CLOCK: variants seen among roughly 807,000 people sequenced by gnomAD.
CLOCK encodes the protein circadian locomoter output cycles protein kaput.
A neutral mutation model predicts 118.4 loss-of-function variants in CLOCK; 43 were observed. The observed-to-expected ratio is 0.36, with a 90% CI of 0.28 to 0.47. The LOEUF (loss-of-function observed/expected upper bound fraction) is 0.47. Ranked by LOEUF, CLOCK falls within the 20% of genes least tolerant of loss-of-function variation. The pLI is 1.00. For synonymous variants in CLOCK, 326 were observed against 339.2 expected (o/e 0.96, Z 0.43); for missense variants, 846 against 999.9 (o/e 0.85, Z 2.08).
rs77108271 is a variant in CLOCK at position 55,532,285 on chromosome 4, T to C, written c.-290+14497A>G. On this transcript the variant is annotated intron_variant, in intron 1 of 22. Transcript: ENST00000513440. The stretch of plus-strand genomic sequence containing the variant: ...AGTCGAGGATGCCCACTCTCATCAC[T>C]TCTATTCAACACAGTACCAGAAGTC... 2.6e-3 allele frequency among the ~76,000 whole-genome samples: 394 copies of C among 152,284 alleles called. 2 individuals carry two copies. The highest frequency in any genetic ancestry group is 9.4e-3 in the African/African-American group (389 of 41,578).
chr4:55,507,825 C>G (rs190195452), intron 2 of CLOCK, among the ~76,000 whole-genome samples: 2 of 152,186 alleles, frequency 1.3e-5, no homozygotes, highest in Admixed American at 1.3e-4. Flanking sequence ...CAAATATGTG[C>G]CAGGCCTATG....
At chr4:55,506,653 C>T (rs927045490) in intron 2 of CLOCK, among the ~76,000 whole-genome samples, 6 of 151,754 alleles carry the variant, frequency 4.0e-5, no homozygotes, top group African/African-American at 1.5e-4. Flanking sequence ...CTCTGCCTTC[C>T]GGGTTCCAGC....
chr4:55,443,513 G>C (rs972891294), intron 20 of CLOCK, among the ~76,000 whole-genome samples, 174 bp downstream of exon 20: 1 of 150,024 alleles, frequency 6.7e-6, no homozygotes, highest in Non-Finnish European at 1.5e-5. Flanking sequence ...GAAAATATTT[G>C]ATACTAACAT....
chr4:55,447,959 G>C (rs953200335), intron 18 of CLOCK, among the ~76,000 whole-genome samples: 2 of 152,114 alleles, frequency 1.3e-5, no homozygotes, highest in Admixed American at 1.3e-4. Flanking sequence ...GGGAAGTTAG[G>C]CTCTAAAGTA....
At chr4:55,539,963 G>T (rs1035222731) in intron 1 of CLOCK, among the ~76,000 whole-genome samples, 5 of 150,606 alleles carry the variant, frequency 3.3e-5, no homozygotes, top group African/African-American at 7.3e-5. Flanking sequence ...TAATCAAGAA[G>T]ATTAACAACA....
At chr4:55,541,083 T>G (rs537731670) in intron 1 of CLOCK, among the ~76,000 whole-genome samples, 3 of 152,322 alleles carry the variant, frequency 2.0e-5, no homozygotes, top group African/African-American at 7.2e-5. Context: ...CTGTGAAATA[T>G]CCAACTAAAG....
At chr4:55,533,452 T>C (rs1373991828) in intron 1 of CLOCK, among the ~76,000 whole-genome samples, 3 of 152,218 alleles carry the variant, frequency 2.0e-5, no homozygotes, top group South Asian at 2.1e-4. Flanking sequence ...TATTACTAAT[T>C]TATTTTATGA....
rs1460110450 is a variant in CLOCK, at chr4:55,458,758, CTCA to C, written c.792+131_792+133del. ...TACAATTTAATGAGTGTCTTGATAA[CTCA>C]TCGTTTCAAAAATATTATCATGCAT... On this transcript the variant is annotated intron_variant, in intron 11 of 22. Coordinates refer to ENST00000513440, the MANE Select transcript of CLOCK (RefSeq NM_004898.4). 11 of 665,862 alleles carry C rather than the reference CTCA, an allele frequency of 1.7e-5. No individual in the cohort carries two copies. In the East Asian group the frequency reaches 1.9e-4, roughly 11 times the overall value. The allele number at this position is 665,862 out of a possible 1,614,324, so 41.2% of individuals were successfully genotyped here. A position where few individuals can be genotyped will look rare whatever the true frequency, so the allele number is the denominator to read the frequency against.
intron 15 of CLOCK, chr4:55,452,833 G>A (rs559392038): frequency 1.0e-4 from 43 of 424,530 alleles, no homozygotes; most frequent in Admixed American, 1.5e-4. Flanking sequence ...GGAATAAATG[G>A]TAGTTTTGAG....
At chr4:55,460,786 G>A (rs1725276636) in intron 9 of CLOCK, among the ~76,000 whole-genome samples, 1 of 152,068 alleles carries the variant, frequency 6.6e-6, no homozygotes, top group African/African-American at 2.4e-5. Context: ...CATCATAGAT[G>A]GCTTTATCAT....
At chr4:55,507,381 G>A (rs1386723868) in intron 2 of CLOCK, among the ~76,000 whole-genome samples, 7 of 152,110 alleles carry the variant, frequency 4.6e-5, no homozygotes, top group Non-Finnish European at 8.8e-5. Flanking sequence ...GGAAGGCTGA[G>A]GTTGGGGGAA....
chr4:55,451,399 C>A (rs930089694), intron 15 of CLOCK, among the ~76,000 whole-genome samples: 2 of 152,142 alleles, frequency 1.3e-5, no homozygotes, highest in African/African-American at 4.8e-5. Flanking sequence ...TATTACCCCC[C>A]TGTTGTTGAT....
intron 6 of CLOCK, among the ~76,000 whole-genome samples, chr4:55,476,389 C>A (rs938024856): frequency 5.3e-5 from 8 of 152,038 alleles, no homozygotes; most frequent in African/African-American, 1.7e-4. Flanking sequence ...TGAAGCAATT[C>A]TTTTTTTCCT....
At chr4:55,493,161 A>T (rs1289137467) in intron 2 of CLOCK, among the ~76,000 whole-genome samples, 1 of 152,202 alleles carries the variant, frequency 6.6e-6, no homozygotes, top group Non-Finnish European at 1.5e-5. Context: ...ACAACCTGTT[A>T]TCTATTCCAG....
At position 55,512,147 on chromosome 4, in the gene CLOCK, G is replaced by A. The variant is rs1021534615; in HGVS notation, c.-289-2082C>T. On this transcript the variant is annotated intron_variant, in intron 1 of 22. Transcript: ENST00000513440. ...ATATGGTAAGACTATGTTTAGTTTC[G>A]TAAGAACCTGCCAAACTGCCTTTCA... Among the ~76,000 whole-genome samples the A allele has an allele frequency of 9.9e-5, 15 of 151,844 alleles. No homozygotes were observed. The East Asian group carries it at 1.2e-3, about 12-fold the overall frequency.
intron 2 of CLOCK, among the ~76,000 whole-genome samples, chr4:55,500,763 T>C (rs745820491): frequency 1.3e-5 from 2 of 152,226 alleles, no homozygotes; most frequent in East Asian, 1.9e-4. Flanking sequence ...TCACGACTAA[T>C]TGTTATCTAG....
In CLOCK at chr4:55,491,581, G is replaced by C. The variant is rs150561961; in HGVS notation, c.-135-2116C>G. Among the ~76,000 whole-genome samples the C allele has an allele frequency of 4.3e-3, 648 of 152,100 alleles. 7 individuals carry two copies. Among genetic ancestry groups the C allele is most frequent in the Non-Finnish European group, 4.4e-3 (296 of 67,956 alleles). ...ACAAATTAGATAACCTAGAAAAAAT[G>C]GATAAATTCCTAGAAATATGCCATC... On this transcript the variant is annotated intron_variant, in intron 2 of 22. Coordinates refer to ENST00000513440, the MANE Select transcript of CLOCK (RefSeq NM_004898.4).
chr4:55,444,867 GTATAACATGAGTGAAGGAT>G, intron 18 of CLOCK, 82 bp from the exon 19 acceptor site: 1 of 1,398,004 alleles, frequency 7.2e-7, no homozygotes, highest in Non-Finnish European at 9.9e-7. Flanking sequence ...AAAGTAAGCA[GTATAACATGAGTGAAGGAT>G]GATAACATCC....
intron 4 of CLOCK, among the ~76,000 whole-genome samples, chr4:55,480,383 GC>G (rs1470091913): frequency 6.6e-6 from 1 of 152,120 alleles, no homozygotes; most frequent in Non-Finnish European, 1.5e-5. Context: ...TCTTGCCTCA[GC>G]CTGCTGAGTA....
Sources: gnomAD v4.1 joint callset for allele counts (sites outside exome capture counted in the v4.1 genomes callset) on GRCh38, gnomAD v4.1.1 for gene constraint, MANE v1.5 for transcripts, NCBI Gene and HGNC (gene_info 2026-07-23, HGNC 2026-07-21) for gene names.